The following MS4A4E variants were observed in gnomAD, a reference collection of about 807,000 sequenced individuals.
MS4A4E encodes membrane spanning 4-domains A4E.
Under a neutral mutation model 13.3 loss-of-function variants are expected in MS4A4E, and 23 were observed. The ratio of observed to expected loss-of-function variants is 1.73; its 90% CI spans 1.25 to 2.45. MS4A4E has a LOEUF of 2.45. Among genes scored for constraint, MS4A4E ranks in the 30% most tolerant of loss-of-function variants. The pLI is 0.00. For missense variants in MS4A4E, 144 were observed against 131.2 expected (o/e 1.10, Z -0.48); for synonymous variants, 36 against 45.6 (o/e 0.79, Z 0.85).
intron 3 of MS4A4E, among the ~76,000 whole-genome samples, chr11:60,216,199 C>A (rs888885027): frequency 1.3e-5 from 2 of 152,162 alleles, no homozygotes; most frequent in Non-Finnish European, 2.9e-5. Flanking sequence ...CAATCTAGTT[C>A]AATGCCTACA....
intron 1 of MS4A4E, among the ~76,000 whole-genome samples, chr11:60,232,671 A>G (rs375501334): frequency 6.6e-6 from 1 of 151,946 alleles, no homozygotes; most frequent in African/African-American, 2.4e-5. Flanking sequence ...CCAGAGGAGG[A>G]GCTGACACTG....
chr11:60,223,574 G>T (rs2084300557), intron 3 of MS4A4E, among the ~76,000 whole-genome samples: 1 of 152,124 alleles, frequency 6.6e-6, no homozygotes, highest in African/African-American at 2.4e-5. Flanking sequence ...TGACTATGAA[G>T]GGGTTGCCAA....
Position 60,215,618 on chromosome 11 carries a change from A to T in MS4A4E, c.179-1004T>A, listed in dbSNP as rs558069777. Among the ~76,000 whole-genome samples the T allele has an allele frequency of 4.1e-4, 63 of 151,986 alleles. 1 individual carries two copies. Among genetic ancestry groups the T allele is most frequent in the Non-Finnish European group, 7.5e-4 (51 of 67,884 alleles). On this transcript the variant is annotated intron_variant, in intron 3 of 8. Coordinates refer to ENST00000651255, the MANE Select transcript of MS4A4E (RefSeq NM_001393391.1). The stretch of plus-strand genomic sequence containing the variant: ...CTACAAGTCTTTATCATGTTTAATG[A>T]TTAAAAAAAAAGTAGGACCATCTTA...
chr11:60,210,678 G>A (rs1456199090), intron 5 of MS4A4E, among the ~76,000 whole-genome samples: 1 of 152,040 alleles, frequency 6.6e-6, no homozygotes, highest in Non-Finnish European at 1.5e-5. Context: ...GTAGGGAACT[G>A]TTCTCTTTCT....
intron 3 of MS4A4E, among the ~76,000 whole-genome samples, chr11:60,220,219 C>A (rs1456810214): frequency 6.6e-6 from 1 of 152,206 alleles, no homozygotes; most frequent in African/African-American, 2.4e-5. Flanking sequence ...TTGGCCAGTG[C>A]AGAAGACAGA....
At chr11:60,218,241 C>G (rs564756945) in intron 3 of MS4A4E, among the ~76,000 whole-genome samples, 1 of 152,228 alleles carries the variant, frequency 6.6e-6, no homozygotes, top group African/African-American at 2.4e-5. Flanking sequence ...AACCCTGTCT[C>G]CTGATAAGAT....
intron 4 of MS4A4E, among the ~76,000 whole-genome samples, chr11:60,214,260 G>A (rs1402755716): frequency 1.3e-5 from 2 of 152,084 alleles, no homozygotes; most frequent in Non-Finnish European, 2.9e-5. Context: ...CCAATACTTG[G>A]TGTGACTGTC....
chr11:60,231,405 G>A (rs540722621), intron 1 of MS4A4E, among the ~76,000 whole-genome samples: 1 of 152,162 alleles, frequency 6.6e-6, no homozygotes, highest in Non-Finnish European at 1.5e-5. Context: ...AAAAGTCAAT[G>A]TTCTTATTCT....
chr11:60,215,873 G>A (rs1176546277), intron 3 of MS4A4E, among the ~76,000 whole-genome samples: 1 of 152,030 alleles, frequency 6.6e-6, no homozygotes, highest in Non-Finnish European at 1.5e-5. Context: ...ACAGAAATTA[G>A]ATAAACATAT....
intron 1 of MS4A4E, among the ~76,000 whole-genome samples, chr11:60,234,780 C>G (rs1370570701): frequency 8.7e-6 from 1 of 115,440 alleles, no homozygotes; most frequent in Non-Finnish European, 1.9e-5. Context: ...AAAAACAACC[C>G]CCCCCCCCAA....
chr11:60,236,731 A>C (rs1430183759), intron 1 of MS4A4E, among the ~76,000 whole-genome samples: 2 of 149,394 alleles, frequency 1.3e-5, no homozygotes, highest in Non-Finnish European at 3.0e-5. Flanking sequence ...TTTATCATCC[A>C]GGTTTTTTTT....
At chr11:60,237,339 A>G (rs1195806431) in intron 1 of MS4A4E, among the ~76,000 whole-genome samples, 1 of 152,154 alleles carries the variant, frequency 6.6e-6, no homozygotes, top group African/African-American at 2.4e-5. Flanking sequence ...TTCTTTATCC[A>G]GCCTACTATT....
intron 1 of MS4A4E, among the ~76,000 whole-genome samples, chr11:60,236,415 A>C (rs2084482989): frequency 6.6e-6 from 1 of 152,154 alleles, no homozygotes; most frequent in African/African-American, 2.4e-5. Context: ...ACCAATATTA[A>C]GCCTTCCAGT....
chr11:60,229,977 T>G lies in MS4A4E; in HGVS notation c.79A>C (p.Ile27Leu). ...DVPQLGNIDV[I>L]HSYLCKGLQE... ...AATCCTTTACACAGATATGAATGTATGACATCTATGTTTCCCAGCTGGGGC... is the reference window on the plus strand; with the variant it reads ...AATCCTTTACACAGATATGAATGTAGGACATCTATGTTTCCCAGCTGGGGC... The change falls in exon 2 of 9, where the codon ATA (isoleucine) becomes CTA (leucine). Residue 27 changes from isoleucine (I) to leucine (L), a missense_variant. Transcript: ENST00000651255. 6.2e-7 allele frequency: 1 copy of G among 1,613,838 alleles called. No homozygotes were observed. The highest frequency in any genetic ancestry group is 8.5e-7 in the Non-Finnish European group (1 of 1,179,854).
At chr11:60,228,719 C>A in intron 2 of MS4A4E, 92 bp from the exon 3 acceptor site, 1 of 640,628 alleles carries the variant, frequency 1.6e-6, no homozygotes, top group South Asian at 2.0e-5. Flanking sequence ...CATAAATAAA[C>A]TGTGGTACCT....
chr11:60,222,252 C>T (rs760864283), intron 3 of MS4A4E, among the ~76,000 whole-genome samples: 6 of 152,226 alleles, frequency 3.9e-5, no homozygotes, highest in Non-Finnish European at 8.8e-5. Context: ...GGCAAGACTA[C>T]AATCCAAGAA....
chr11:60,226,228 T>C (rs929745522), intron 3 of MS4A4E, among the ~76,000 whole-genome samples: 4 of 151,720 alleles, frequency 2.6e-5, no homozygotes, highest in African/African-American at 9.7e-5. Context: ...AAAATGAAAT[T>C]ATACCAATTC....
intron 1 of MS4A4E, among the ~76,000 whole-genome samples, chr11:60,240,527 C>T (rs565273934): frequency 1.3e-5 from 2 of 152,228 alleles, no homozygotes; most frequent in South Asian, 4.1e-4. Flanking sequence ...CATTTCACCA[C>T]CTTTAGTATA....
intron 1 of MS4A4E, among the ~76,000 whole-genome samples, chr11:60,239,187 C>T (rs2084519110): frequency 6.6e-6 from 1 of 152,204 alleles, no homozygotes; most frequent in South Asian, 2.1e-4. Context: ...CCCTGCCACT[C>T]CTTACTCAAG....
Sources: gnomAD v4.1 joint callset for allele counts (sites outside exome capture counted in the v4.1 genomes callset) on GRCh38, gnomAD v4.1.1 for gene constraint, MANE v1.5 for transcripts, NCBI Gene and HGNC (gene_info 2026-07-23, HGNC 2026-07-21) for gene names.